Variants in SNX29 observed in about 807,000 individuals in gnomAD.
SNX29 encodes the protein sorting nexin-29.
SNX29 carries 78 observed loss-of-function variants against 102.1 expected under a neutral mutation model. The observed-to-expected ratio is 0.76, with a 90% CI of 0.64 to 0.92. The LOEUF (loss-of-function observed/expected upper bound fraction) is 0.92. Among genes scored for constraint, SNX29 ranks in the 40% least tolerant of loss-of-function variants. SNX29 has a pLI of 0.00. For missense variants in SNX29, 1,280 were observed against 1,061.7 expected, an observed-to-expected ratio of 1.21 and a Z score of -2.86; for synonymous variants, 580 against 414.5, an observed-to-expected ratio of 1.40 and a Z score of -4.85.
At chr16:12,069,035 T>G (rs2051168673) in intron 9 of SNX29, 22 bp from the exon 10 acceptor site, 1 of 1,611,502 alleles carries the variant, frequency 6.2e-7, no homozygotes, top group Non-Finnish European at 8.5e-7. Flanking sequence ...GACCTCTTTC[T>G]GTGATTGCTC....
At chr16:12,128,698 C>T (rs955519382) in intron 12 of SNX29, among the ~76,000 whole-genome samples, 1 of 152,106 alleles carries the variant, frequency 6.6e-6, no homozygotes, top group Non-Finnish European at 1.5e-5. Context: ...AGTGATCCAC[C>T]CGCCTTGGCC....
intron 18 of SNX29, among the ~76,000 whole-genome samples, chr16:12,459,480 C>T (rs902500554): frequency 2.6e-5 from 4 of 151,880 alleles, no homozygotes; most frequent in African/African-American, 9.7e-5. Context: ...AGAGTGGGTC[C>T]CTAAAGGAGA....
chr16:11,980,966 T>A (rs2055400622), intron 1 of SNX29, among the ~76,000 whole-genome samples: 2 of 141,478 alleles, frequency 1.4e-5, no homozygotes, highest in East Asian at 4.3e-4. Context: ...TTTCATTTTC[T>A]TTTTTTTTTT....
chr16:12,469,728 G>T (rs1255382166), intron 18 of SNX29, among the ~76,000 whole-genome samples: 1 of 152,186 alleles, frequency 6.6e-6, no homozygotes, highest in Non-Finnish European at 1.5e-5. Flanking sequence ...TGCAGGGCTG[G>T]CTGGGCGCAG....
rs117465015 is a variant in SNX29 at position 12,515,286 on chromosome 16, G to C, written c.2179-9416G>C. Among the ~76,000 whole-genome samples, 87 of 152,262 alleles carry C rather than the reference G, an allele frequency of 5.7e-4. 1 individual carries two copies. The East Asian group carries it at 0.017, about 29-fold the overall frequency. ...TTTTCCAGCTGACTGTAAGTTCCAC[G>C]AAGGCGGGATCCACAGGTCTCATTT... On this transcript the variant is annotated intron_variant, in intron 19 of 20. Transcript: ENST00000566228.
At chr16:12,365,654 A>T (rs999579432) in intron 16 of SNX29, among the ~76,000 whole-genome samples, 15 of 150,124 alleles carry the variant, frequency 1.0e-4, no homozygotes, top group Admixed American at 1.0e-3. Flanking sequence ...TCACGCAACT[A>T]CACTCCAGCC....
intron 20 of SNX29, chr16:12,556,685 C>T (rs1007165836): frequency 7.2e-5 from 11 of 152,148 alleles, no homozygotes; most frequent in Non-Finnish European, 1.2e-4. Context: ...AGTCATGTGT[C>T]TGGAGGCAGA....
At chr16:12,302,693 T>C (rs1013799591) in intron 15 of SNX29, among the ~76,000 whole-genome samples, 2 of 152,212 alleles carry the variant, frequency 1.3e-5, no homozygotes, top group South Asian at 2.1e-4. Flanking sequence ...CATTGCGCTT[T>C]TGAGGGAACA....
intron 13 of SNX29, among the ~76,000 whole-genome samples, chr16:12,156,516 C>T (rs1487396963): frequency 6.6e-6 from 1 of 152,088 alleles, no homozygotes; most frequent in Non-Finnish European, 1.5e-5. Context: ...GGGTTTCCCT[C>T]CTTGCCTCTT....
intron 20 of SNX29, among the ~76,000 whole-genome samples, chr16:12,563,845 CCTG>C (rs2078869411): frequency 2.0e-5 from 3 of 152,222 alleles, no homozygotes; most frequent in African/African-American, 7.2e-5. Flanking sequence ...TGTAAATATC[CCTG>C]CTGAATAGCC....
At chr16:12,280,235 C>T (rs116246623) in intron 15 of SNX29, among the ~76,000 whole-genome samples, 2,660 of 152,294 alleles carry the variant, frequency 0.017, 97 homozygotes, top group African/African-American at 0.061. Flanking sequence ...AGGAGACTCA[C>T]GGGTCGGGAA....
chr16:12,555,296 C>T (rs1456676949), intron 20 of SNX29, among the ~76,000 whole-genome samples: 2 of 151,370 alleles, frequency 1.3e-5, no homozygotes, highest in African/African-American at 2.4e-5. Context: ...GGGGTGCTGT[C>T]CAGTCAATCC....
intron 16 of SNX29, among the ~76,000 whole-genome samples, chr16:12,390,180 G>A (rs1051450177): frequency 1.3e-5 from 2 of 148,880 alleles, no homozygotes; most frequent in African/African-American, 2.5e-5. Flanking sequence ...GTGTGTGTGT[G>A]TATGTATATG....
intron 20 of SNX29, among the ~76,000 whole-genome samples, chr16:12,531,514 C>T (rs113427716): frequency 1.3e-4 from 20 of 152,284 alleles, no homozygotes; most frequent in African/African-American, 4.1e-4. Context: ...CCCACTGTCT[C>T]AGGTGTGCAG....
intron 20 of SNX29, among the ~76,000 whole-genome samples, chr16:12,556,875 T>C (rs2078387949): frequency 6.6e-6 from 1 of 151,800 alleles, no homozygotes; most frequent in Non-Finnish European, 1.5e-5. Context: ...TTTTTTGAGA[T>C]AGGGTCTCCG....
chr16:12,013,541 A>ATATATATG lies in SNX29; in HGVS notation c.122+10499_122+10500insATATATGT, dbSNP rs1325376334. On this transcript the variant is annotated intron_variant, in intron 3 of 20. Transcript: ENST00000566228. ...TATATATATATATATATATATATATATCGAGAGAGGAGAAAAGGGTGGTCT... is the reference window on the plus strand; with the variant it reads ...TATATATATATATATATATATATATATATATATGTCGAGAGAGGAGAAAAGGGTGGTCT... 1.3e-4 allele frequency among the ~76,000 whole-genome samples: 15 copies of ATATATATG among 119,220 alleles called. 1 individual carries two copies. The East Asian group carries it at 2.9e-3, about 23-fold the overall frequency. 78.2% of individuals were successfully genotyped at this position (119,220 alleles called of 152,430 possible).
At chr16:12,321,090 C>T (rs540120998) in intron 15 of SNX29, among the ~76,000 whole-genome samples, 25 of 152,238 alleles carry the variant, frequency 1.6e-4, no homozygotes, top group Middle Eastern at 3.4e-3. Context: ...CGGTTCCCTC[C>T]GCTGCCTCCT....
intron 10 of SNX29, among the ~76,000 whole-genome samples, chr16:12,074,549 G>T (rs905004616): frequency 6.6e-6 from 1 of 152,036 alleles, no homozygotes; most frequent in Non-Finnish European, 1.5e-5. Context: ...TAGTCTGATG[G>T]GCTTCCTTTT....
At chr16:12,457,089 A>T (rs2086573231) in intron 18 of SNX29, among the ~76,000 whole-genome samples, 1 of 152,178 alleles carries the variant, frequency 6.6e-6, no homozygotes, top group Non-Finnish European at 1.5e-5. Flanking sequence ...TCTTCTCCTT[A>T]CTAAGTAGCA....
Sources: gnomAD v4.1 joint callset for allele counts (sites outside exome capture counted in the v4.1 genomes callset) on GRCh38, gnomAD v4.1.1 for gene constraint, MANE v1.5 for transcripts, NCBI Gene and HGNC (gene_info 2026-07-23, HGNC 2026-07-21) for gene names.